PRKCZ: variants seen among roughly 807,000 people sequenced by gnomAD.
PRKCZ encodes the protein protein kinase C zeta type.
In PRKCZ, 33 loss-of-function variants were observed where a neutral mutation model predicts 79.5. The ratio of observed to expected loss-of-function variants is 0.41; its 90% confidence interval spans 0.31 to 0.55. PRKCZ has a LOEUF of 0.55. Among genes scored for constraint, PRKCZ ranks in the 20% least tolerant of loss-of-function variants. The probability of loss-of-function intolerance (pLI) is 0.19; values close to 1 mark genes in which losing one functional copy is unlikely to be tolerated. For synonymous variants in PRKCZ, 342 were observed against 320.9 expected (o/e 1.07, Z -0.70); for missense variants, 578 against 813.5 (o/e 0.71, Z 3.52).
At chr1:2,062,393 A>G (rs1360821766) in intron 4 of PRKCZ, among the ~76,000 whole-genome samples, 1 of 151,510 alleles carries the variant, frequency 6.6e-6, no homozygotes, top group Non-Finnish European at 1.5e-5. Context: ...GACCTTTCCA[A>G]GGTTCATCCA....
At position 2,121,631 on chromosome 1, in the gene PRKCZ, CACA is replaced by C. The variant is rs1246042459; in HGVS notation, c.335-13630_335-13628del. ...TTAGGGTCATGGTGGTGGTTAGGGT[CACA>C]GTGGTAGTTAGGGTCACGGTGGTGG... On this transcript the variant is annotated intron_variant, in intron 4 of 17. Coordinates refer to ENST00000378567, the MANE Select transcript of PRKCZ (RefSeq NM_002744.6). Among the ~76,000 whole-genome samples the C allele has an allele frequency of 3.8e-3, 218 of 56,860 alleles. 55 individuals carry two copies. The highest frequency in any genetic ancestry group is 9.3e-3 in the African/African-American group (194 of 20,938). The allele number at this position is 56,860 out of a possible 152,430, so 37.3% of individuals were successfully genotyped here.
rs924262759 is a variant in PRKCZ at position 2,168,468 on chromosome 1, G to C, written c.975-1050G>C. On this transcript the variant is annotated intron_variant, in intron 10 of 17. Coordinates refer to ENST00000378567, the MANE Select transcript of PRKCZ (RefSeq NM_002744.6). This position sits in a 1 kb window ranked among gnomAD's most constrained non-coding sequence, Gnocchi z 4.7. ...GACTGGCCACGTGGACGTCTCTCCA[G>C]CTCCTCACTTGGGGCCCAGGGCTCT... Among the ~76,000 whole-genome samples, 3 of 152,208 alleles carry C rather than the reference G, an allele frequency of 2.0e-5. No homozygotes were observed. Among genetic ancestry groups the C allele is most frequent in the African/African-American group, 7.2e-5 (3 of 41,442 alleles).
intron 16 of PRKCZ, among the ~76,000 whole-genome samples, chr1:2,179,111 G>A (rs760385296): frequency 6.6e-6 from 1 of 152,234 alleles, no homozygotes; most frequent in Non-Finnish European, 1.5e-5. Flanking sequence ...CGTCAGCCAG[G>A]CAGATCCACC....
rs934381861 is a variant in PRKCZ at position 2,149,166 on chromosome 1, C to T, written c.687+242C>T. On this transcript the variant is annotated intron_variant, in intron 8 of 17. Transcript: ENST00000378567. The surrounding 1 kb of genome is among the most constrained non-coding windows in gnomAD (Gnocchi z 4.1). ...CAGGTGGTCTGGGGACCACACCCTG[C>T]GGGGGAAGCCGTGCCCCACATCCTC... Among the ~76,000 whole-genome samples, 9 of 152,208 alleles carry T rather than the reference C, an allele frequency of 5.9e-5. No individual in the cohort carries two copies. The highest frequency in any genetic ancestry group is 1.9e-4 in the African/African-American group (8 of 41,454).
intron 9 of PRKCZ, among the ~76,000 whole-genome samples, chr1:2,153,934 T>C (rs1255056303): frequency 6.6e-6 from 1 of 152,134 alleles, no homozygotes; most frequent in Non-Finnish European, 1.5e-5. Context: ...TGCCTCTTGT[T>C]CCCCCAGGAG....
chr1:2,172,046 C>A lies in PRKCZ; in HGVS notation c.1062-9C>A. 6.3e-7 allele frequency: 1 copy of A among 1,591,896 alleles called. No individual in the cohort carries two copies. The highest frequency in any genetic ancestry group is 2.2e-5 in the East Asian group (1 of 44,722). ...GGCACTGCCCCCATGACGGCATCCC[C>A]ACCCCCAGGTTCTACGCGGCCGAGA... On this transcript the variant is annotated splice_polypyrimidine_tract_variant and intron_variant, in intron 11 of 17. Coordinates refer to ENST00000378567, the MANE Select transcript of PRKCZ (RefSeq NM_002744.6). The surrounding 1 kb of genome is among the most constrained non-coding windows in gnomAD (Gnocchi z 7.8).
chr1:2,100,723 A>G lies in PRKCZ; in HGVS notation c.335-34539A>G, dbSNP rs558360245. ...CACACCAGGTGGTGGCTCCCGTGGGACTTTTGAGGCCGGCCCAGCCCTGAG... is the reference window on the plus strand; with the variant it reads ...CACACCAGGTGGTGGCTCCCGTGGGGCTTTTGAGGCCGGCCCAGCCCTGAG... On this transcript the variant is annotated intron_variant, in intron 4 of 17. Coordinates refer to ENST00000378567, the MANE Select transcript of PRKCZ (RefSeq NM_002744.6). 8.7e-4 allele frequency among the ~76,000 whole-genome samples: 133 copies of G among 152,154 alleles called. 4 individuals carry two copies. In the South Asian group the frequency reaches 0.026, roughly 29 times the overall value.
chr1:2,113,786 G>A (rs1434181589), intron 4 of PRKCZ, among the ~76,000 whole-genome samples: 2 of 152,156 alleles, frequency 1.3e-5, no homozygotes. Flanking sequence ...CAGTCCTTGT[G>A]GGGGTGACTC....
rs761094158 is a variant in PRKCZ at position 2,165,719 on chromosome 1, C to G, written c.975-3799C>G. On this transcript the variant is annotated intron_variant, in intron 10 of 17. Coordinates refer to ENST00000378567, the MANE Select transcript of PRKCZ (RefSeq NM_002744.6). This position sits in a 1 kb window ranked among gnomAD's most constrained non-coding sequence, Gnocchi z 4.1. ...TGTACACACATGGTGGTGGCCCGCC[C>G]GGACCCATCTGGTTAATTCTTGACT... 6.6e-6 allele frequency among the ~76,000 whole-genome samples: 1 copy of G among 152,178 alleles called. No homozygotes were observed. Among genetic ancestry groups the G allele is most frequent in the African/African-American group, 2.4e-5 (1 of 41,450 alleles).
intron 4 of PRKCZ, among the ~76,000 whole-genome samples, chr1:2,092,857 G>C (rs1324369075): frequency 6.6e-6 from 1 of 152,196 alleles, no homozygotes; most frequent in Non-Finnish European, 1.5e-5. Flanking sequence ...GAGGGCCTCA[G>C]ATCACCACAC....
At chr1:2,064,486 A>T (rs1660961083) in intron 4 of PRKCZ, among the ~76,000 whole-genome samples, 1 of 152,010 alleles carries the variant, frequency 6.6e-6, no homozygotes, top group African/African-American at 2.4e-5. Flanking sequence ...TCATCTAAGG[A>T]TTTTATAATT....
chr1:2,166,311 C>T (rs1447928063), intron 10 of PRKCZ, among the ~76,000 whole-genome samples: 7 of 152,082 alleles, frequency 4.6e-5, no homozygotes, highest in Non-Finnish European at 8.8e-5. Context: ...CCCAGCTCCT[C>T]GGGAGGCTGA....
chr1:2,120,073 T>G (rs1481345022), intron 4 of PRKCZ, among the ~76,000 whole-genome samples: 1 of 152,112 alleles, frequency 6.6e-6, no homozygotes, highest in Non-Finnish European at 1.5e-5. Context: ...CTTGGAGTGT[T>G]TGTCATTTCT....
rs898690016 is a variant in PRKCZ at position 2,125,336 on chromosome 1, A to G, written c.335-9926A>G. Among the ~76,000 whole-genome samples, 13 of 152,358 alleles carry G rather than the reference A, an allele frequency of 8.5e-5. No individual in the cohort carries two copies. Among genetic ancestry groups the G allele is most frequent in the Admixed American group, 8.5e-4 (13 of 15,298 alleles). ...TCATTTCATAAAATCTTGATTTTGT[A>G]TTACAACAAATTAGGATATTTTCAG... On this transcript the variant is annotated intron_variant, in intron 4 of 17. Transcript: ENST00000378567. The surrounding 1 kb of genome is among the most constrained non-coding windows in gnomAD (Gnocchi z 4.2).
chr1:2,155,954 C>T, intron 9 of PRKCZ, 41 bp from the exon 10 acceptor site: 3 of 1,563,090 alleles, frequency 1.9e-6, no homozygotes, highest in Non-Finnish European at 2.6e-6. Flanking sequence ...CTGTGAGGAG[C>T]ATTCGGGAGC....
intron 4 of PRKCZ, among the ~76,000 whole-genome samples, chr1:2,120,345 G>C (rs940288437): frequency 8.1e-6 from 1 of 123,126 alleles, no homozygotes; most frequent in Non-Finnish European, 1.6e-5. Context: ...TGTTGCCCAG[G>C]CTGGAGTGCA....
chr1:2,054,380 C>G (rs887297863), intron 1 of PRKCZ, among the ~76,000 whole-genome samples: 1 of 152,130 alleles, frequency 6.6e-6, no homozygotes, highest in African/African-American at 2.4e-5. Flanking sequence ...GGTGGTCCCT[C>G]CCCTCCACGC....
Position 2,185,048 on chromosome 1 carries a change from C to G in PRKCZ, c.*39C>G. On this transcript the variant is annotated 3_prime_UTR_variant, in exon 18 of 18. Transcript: ENST00000378567. ...TCTGTCGTGGACACGCGTGATTGAC[C>G]CTTTAACTGTATCCTTAACCACCGC... The G allele has an allele frequency of 6.5e-7, 1 of 1,547,596 alleles. No individual in the cohort carries two copies. The highest frequency in any genetic ancestry group is 8.8e-7 in the Non-Finnish European group (1 of 1,130,596).
intron 5 of PRKCZ, among the ~76,000 whole-genome samples, chr1:2,140,919 G>A (rs1373206907): frequency 1.3e-5 from 2 of 152,224 alleles, no homozygotes; most frequent in Non-Finnish European, 2.9e-5. Context: ...AGTGAGCCAA[G>A]ATCGTACCAC....
Sources: allele counts gnomAD v4.1 joint callset (sites outside exome capture counted in the v4.1 genomes callset), GRCh38; gene constraint gnomAD v4.1.1; non-coding constraint Gnocchi (gnomAD v3.1); transcripts MANE v1.5; gene names NCBI Gene and HGNC (gene_info 2026-07-23, HGNC 2026-07-21).